Variants in MYH10 observed in about 807,000 individuals in gnomAD.
MYH10 encodes myosin-10.
A neutral mutation model predicts 257.8 loss-of-function variants in MYH10; 55 were observed. The observed-to-expected ratio is 0.21, with a 90% confidence interval of 0.17 to 0.27. The LOEUF (loss-of-function observed/expected upper bound fraction) is 0.27. MYH10 is among the 10% of genes least tolerant of loss of function. The probability of loss-of-function intolerance (pLI) is 1.00; values close to 1 mark genes in which losing one functional copy is unlikely to be tolerated. For missense variants in MYH10, 1,631 were observed against 2,500.6 expected, an observed-to-expected ratio of 0.65 and a Z score of 7.42; for synonymous variants, 854 against 921.7, an observed-to-expected ratio of 0.93 and a Z score of 1.33.
chr17:8,585,762 C>T (rs878986399), intron 4 of MYH10, among the ~76,000 whole-genome samples: 7 of 151,864 alleles, frequency 4.6e-5, no homozygotes, highest in African/African-American at 1.5e-4. Context: ...ATCTGGATAA[C>T]GGTTTGGGTT....
At chr17:8,522,253 A>C (rs571385066) in intron 17 of MYH10, among the ~76,000 whole-genome samples, 9 of 152,346 alleles carry the variant, frequency 5.9e-5, no homozygotes, top group African/African-American at 2.2e-4. Context: ...ACAGAAGCAT[A>C]TGGGGACCTG....
chr17:8,573,703 CTTTAAT>C (rs2083417818), intron 6 of MYH10: 1 of 418,384 alleles, frequency 2.4e-6, no homozygotes, highest in African/African-American at 2.2e-5. Context: ...CAAATAAGAC[CTTTAAT>C]TTTGTTATAA....
At chr17:8,584,094 G>T (rs1022494973) in intron 4 of MYH10, among the ~76,000 whole-genome samples, 7 of 152,162 alleles carry the variant, frequency 4.6e-5, no homozygotes, top group Non-Finnish European at 8.8e-5. Flanking sequence ...TCTCTCCTGA[G>T]AGAGGATGCA....
intron 2 of MYH10, among the ~76,000 whole-genome samples, chr17:8,622,115 G>A (rs554576524): frequency 1.5e-4 from 23 of 152,136 alleles, no homozygotes; most frequent in South Asian, 1.5e-3. Flanking sequence ...TTCAAACCAC[G>A]ACCATCAACT....
rs1915086966 is a variant in MYH10, at chr17:8,487,647, A to T, written c.4885-53T>A. ...GTTACATCCAAGTATCTGCTCGCAGAACAGGCAGACTGTTCTCAAGTGGGG... is the reference window on the plus strand; with the variant it reads ...GTTACATCCAAGTATCTGCTCGCAGTACAGGCAGACTGTTCTCAAGTGGGG... On this transcript the variant is annotated intron_variant, in intron 35 of 42. Transcript: ENST00000360416. The T allele has an allele frequency of 1.9e-6, 3 of 1,607,566 alleles. No homozygotes were observed. In the South Asian group the frequency reaches 3.3e-5, roughly 18 times the overall value.
Position 8,579,121 on chromosome 17 carries a change from C to A in MYH10, c.531-1783G>T, listed in dbSNP as rs528466116. ...ATGAGACCCACATCTACAAAAAAAA[C>A]ACAACAAATCAGCTGGGTGTGGTAA... On this transcript the variant is annotated intron_variant, in intron 4 of 42. Transcript: ENST00000360416. 2.6e-5 allele frequency among the ~76,000 whole-genome samples: 4 copies of A among 151,962 alleles called. No individual in the cohort carries two copies. In the South Asian group the frequency reaches 8.3e-4, roughly 32 times the overall value.
At chr17:8,513,937 G>T in intron 21 of MYH10, 43 bp from the exon 22 acceptor site, 1 of 1,520,124 alleles carries the variant, frequency 6.6e-7, no homozygotes, top group East Asian at 2.4e-5. Context: ...AGAAAAAAGT[G>T]CTTGAATGGC....
Position 8,513,799 on chromosome 17 carries a change from C to T in MYH10, c.2600G>A (p.Arg867Gln). The change falls in exon 22 of 43, where the codon CGA becomes CAA. Residue 867 changes from arginine to glutamine, a missense_variant. Arg to Gln is a conservative substitution (Grantham distance 43). Coordinates refer to ENST00000360416, the MANE Select transcript of MYH10 (RefSeq NM_001256012.3). Reference protein sequence around the residue: ...YLKLRHWQWWRVFTKVKPLLQ... With the variant: ...YLKLRHWQWWQVFTKVKPLLQ... ...AGCCAAGCTCACCTTTGTGAAGACT[C>T]GCCACCACTGCCAGTGCCGTAATTT... is the stretch of plus-strand genomic sequence containing the variant. 1.9e-6 allele frequency: 3 copies of T among 1,614,082 alleles called. No homozygotes were observed. The highest frequency in any genetic ancestry group is 2.5e-6 in the Non-Finnish European group (3 of 1,180,012).
In MYH10 at chr17:8,480,495, C is replaced by T; in HGVS notation, c.5295G>A (p.Leu1765=). 1 of 1,610,836 alleles carries T rather than the reference C, an allele frequency of 6.2e-7. No individual in the cohort carries two copies. Among genetic ancestry groups the T allele is most frequent in the East Asian group, 2.2e-5 (1 of 44,868 alleles). The change falls in exon 39 of 43, where the codon CTG becomes CTA. Residue 1765 remains leucine (L), a synonymous_variant. Transcript: ENST00000360416. ...CCTCCAGCTGTGCGATCCGAGCTTC[C>T]AGACGCCGCTTCTCATCCAGCAGCG... The part of the protein sequence containing the change: ...KSALLDEKRR[L]EARIAQLEEE...
At chr17:8,629,728 C>A (rs1012119866) in intron 1 of MYH10, among the ~76,000 whole-genome samples, 9 of 152,232 alleles carry the variant, frequency 5.9e-5, no homozygotes, top group African/African-American at 2.2e-4. Flanking sequence ...AAAGGGATCC[C>A]GAGGCGAGTG....
At chr17:8,531,843 T>C (rs2082011742) in intron 16 of MYH10, among the ~76,000 whole-genome samples, 1 of 152,216 alleles carries the variant, frequency 6.6e-6, no homozygotes, top group Non-Finnish European at 1.5e-5. Context: ...GAAAATAATG[T>C]TTTTCCAGGG....
At position 8,475,695 on chromosome 17, in the gene MYH10, G is replaced by T; in HGVS notation, c.*109C>A. The T allele has an allele frequency of 1.5e-6, 2 of 1,322,532 alleles. No homozygotes were observed. Among genetic ancestry groups the T allele is most frequent in the Non-Finnish European group, 1.1e-6 (1 of 950,360 alleles). The allele number at this position is 1,322,532 out of a possible 1,614,324, so 81.9% of individuals were successfully genotyped here. A position where few individuals can be genotyped will look rare whatever the true frequency, so the allele number is the denominator to read the frequency against. On this transcript the variant is annotated 3_prime_UTR_variant, in exon 43 of 43. Transcript: ENST00000360416. Reference sequence around the variant, plus strand: ...GGCTGGAGAGCCTTAAGACACAGTTGATCTTTCAGGAAGGAATCCCGTAGC... The same window carrying T: ...GGCTGGAGAGCCTTAAGACACAGTTTATCTTTCAGGAAGGAATCCCGTAGC...
chr17:8,590,995 C>T (rs984951386), intron 3 of MYH10, among the ~76,000 whole-genome samples: 1 of 150,426 alleles, frequency 6.6e-6, no homozygotes, highest in Non-Finnish European at 1.5e-5. Flanking sequence ...GCCTCAGTCT[C>T]CTGAGTAGCT....
Position 8,492,286 on chromosome 17 carries a change from A to C in MYH10, c.4671+11T>G, listed in dbSNP as rs976617839. 3.1e-6 allele frequency: 5 copies of C among 1,609,950 alleles called. No homozygotes were observed. The highest frequency in any genetic ancestry group is 4.2e-6 in the Non-Finnish European group (5 of 1,179,612). ...CCCGTGCGGAAGTGTGGAGCCCACC[A>C]GGCGACTTACGTTTTTTCCCACATC... On this transcript the variant is annotated intron_variant, in intron 34 of 42. Transcript: ENST00000360416.
intron 11 of MYH10, 126 bp from the exon 12 acceptor site, chr17:8,546,788 A>C (rs758351455): frequency 4.7e-5 from 30 of 640,034 alleles, no homozygotes; most frequent in Middle Eastern, 4.3e-4. Context: ...AAAAGTCTTA[A>C]AATCAGACAA....
intron 37 of MYH10, among the ~76,000 whole-genome samples, chr17:8,482,021 G>T (rs1212400451): frequency 6.6e-6 from 1 of 152,200 alleles, no homozygotes; most frequent in African/African-American, 2.4e-5. Flanking sequence ...TGGACAATGG[G>T]GACAGCCCTG....
chr17:8,531,527 C>G (rs1186185946), intron 16 of MYH10, among the ~76,000 whole-genome samples: 1 of 151,188 alleles, frequency 6.6e-6, no homozygotes, highest in Non-Finnish European at 1.5e-5. Flanking sequence ...CTCTAAAACT[C>G]TAACACAAAC....
At chr17:8,596,610 C>A (rs2084380522) in intron 3 of MYH10, among the ~76,000 whole-genome samples, 1 of 134,818 alleles carries the variant, frequency 7.4e-6, no homozygotes, top group Non-Finnish European at 1.5e-5. Context: ...CAACCTTATT[C>A]TTAAAATGCT....
chr17:8,484,824 A>G (rs182660378), intron 36 of MYH10, among the ~76,000 whole-genome samples: 28 of 152,370 alleles, frequency 1.8e-4, no homozygotes, highest in Admixed American at 1.6e-3. Flanking sequence ...AAGGGCATCA[A>G]TGAAAAACTG....
Sources: allele counts gnomAD v4.1 joint callset (sites outside exome capture counted in the v4.1 genomes callset), GRCh38; gene constraint gnomAD v4.1.1; transcripts MANE v1.5; gene names NCBI Gene and HGNC (gene_info 2026-07-23, HGNC 2026-07-21).